Variants in SEMA6D observed in about 807,000 individuals in gnomAD.
SEMA6D encodes the protein semaphorin 6D.
Under a neutral mutation model 106.6 loss-of-function variants are expected in SEMA6D, and 35 were observed. That is an observed-to-expected ratio of 0.33 (90% CI 0.25 to 0.44). The LOEUF is 0.44. SEMA6D is among the 20% of genes least tolerant of loss of function. The probability of loss-of-function intolerance (pLI) is 1.00; values close to 1 mark genes in which losing one functional copy is unlikely to be tolerated. For missense variants in SEMA6D, 1,185 were observed against 1,345.9 expected, an observed-to-expected ratio of 0.88 and a Z score of 1.87; for synonymous variants, 499 against 487.7, an observed-to-expected ratio of 1.02 and a Z score of -0.31.
chr15:47,493,597 A>G (rs2043541173), intron 3 of SEMA6D, among the ~76,000 whole-genome samples: 1 of 152,110 alleles, frequency 6.6e-6, no homozygotes, highest in African/African-American at 2.4e-5. Context: ...TATGTATGTG[A>G]GCTCACAATT....
chr15:47,662,857 G>GCACACACACACA (rs140613951), intron 4 of SEMA6D, among the ~76,000 whole-genome samples: 337 of 134,156 alleles, frequency 2.5e-3, no homozygotes, highest in African/African-American at 8.9e-3. Context: ...GTGTATGAGC[G>GCACACACACACA]CACACACACA....
intron 1 of SEMA6D, among the ~76,000 whole-genome samples, chr15:47,367,400 C>G (rs1276892023): frequency 1.3e-5 from 2 of 152,190 alleles, no homozygotes; most frequent in African/African-American, 4.8e-5. Context: ...GTACTGGCAA[C>G]ACTGAAATCA....
rs762948385 is a variant in SEMA6D, at chr15:47,759,896, T to C, written c.98T>C (p.Val33Ala). 1 of 1,610,504 alleles carries C rather than the reference T, an allele frequency of 6.2e-7. No individual in the cohort carries two copies. Among genetic ancestry groups the C allele is most frequent in the South Asian group, 1.1e-5 (1 of 90,986 alleles). The change falls in exon 2 of 19, where the codon GTC becomes GCC. Residue 33 changes from valine to alanine, a missense_variant. Val to Ala is a moderately conservative substitution (Grantham distance 64, BLOSUM62 0). Around this residue, in one of 3 missense-constraint regions of SEMA6D, gnomAD observed 144 missense variants for 138.6 expected, o/e 1.04. Transcript: ENST00000536845. ...FPEDDEPLNT[V>A]DYHYSRQYPV... ...GAAGATGATGAACCCCTTAATACTG[T>C]CGACTATCACTGTAAGTCGTCTCAA...
intron 1 of SEMA6D, among the ~76,000 whole-genome samples, chr15:47,227,569 TCA>T (rs1555407289): frequency 0.062 from 7,931 of 127,734 alleles, 319 homozygotes; most frequent in South Asian, 0.12. Context: ...TCTCTCTCTC[TCA>T]CACACACACA....
intron 1 of SEMA6D, among the ~76,000 whole-genome samples, chr15:47,209,957 C>A (rs1314402446): frequency 6.6e-6 from 1 of 152,010 alleles, no homozygotes; most frequent in Non-Finnish European, 1.5e-5. Flanking sequence ...GGTTTTTGTC[C>A]TAAATAAAAG....
chr15:47,224,173 A>T (rs530070727), intron 1 of SEMA6D, among the ~76,000 whole-genome samples: 1 of 151,668 alleles, frequency 6.6e-6, no homozygotes, highest in African/African-American at 2.4e-5. Flanking sequence ...AAGAAAAAAA[A>T]ATAATAAAAT....
At chr15:47,729,647 C>A (rs970652508) in intron 1 of SEMA6D, among the ~76,000 whole-genome samples, 1 of 152,156 alleles carries the variant, frequency 6.6e-6, no homozygotes, top group Non-Finnish European at 1.5e-5. Flanking sequence ...AGGATTGATA[C>A]CCACAGAGGC....
intron 3 of SEMA6D, among the ~76,000 whole-genome samples, chr15:47,592,012 G>A (rs2076448716): frequency 6.6e-6 from 1 of 152,162 alleles, no homozygotes; most frequent in Non-Finnish European, 1.5e-5. Context: ...AAAGGGGAAT[G>A]AGAGTGAAAT....
chr15:47,688,478 A>G (rs1007101062), intron 4 of SEMA6D, among the ~76,000 whole-genome samples: 1 of 152,206 alleles, frequency 6.6e-6, no homozygotes, highest in Admixed American at 6.5e-5. Flanking sequence ...CATTCATTCA[A>G]CAATTATTAT....
chr15:47,466,368 G>A (rs553886434), intron 2 of SEMA6D, among the ~76,000 whole-genome samples: 2 of 152,168 alleles, frequency 1.3e-5, no homozygotes, highest in Admixed American at 1.3e-4. Flanking sequence ...CCATAGGTTA[G>A]GCTTCTTTAG....
chr15:47,699,635 T>TG (rs2078768993), intron 4 of SEMA6D, among the ~76,000 whole-genome samples: 1 of 152,186 alleles, frequency 6.6e-6, no homozygotes, highest in East Asian at 1.9e-4. Flanking sequence ...TAAACTGCCC[T>TG]CCTGCATTTC....
intron 1 of SEMA6D, among the ~76,000 whole-genome samples, chr15:47,190,750 T>A (rs938679254): frequency 6.6e-6 from 1 of 152,206 alleles, no homozygotes; most frequent in Admixed American, 6.5e-5. Context: ...TTCAATATTT[T>A]CTTCATACTA....
chr15:47,465,456 GA>G lies in SEMA6D; in HGVS notation c.-158-5015del, dbSNP rs2042630759. ...AAATTATTGCATAACTTATAAAGGGGAAAGGTTTCTGACTTTATGTTCTAAA... is the reference window on the plus strand; with the variant it reads ...AAATTATTGCATAACTTATAAAGGGGAAGGTTTCTGACTTTATGTTCTAAA... On this transcript the variant is annotated intron_variant, in intron 2 of 19. Coordinates refer to the SEMA6D transcript ENST00000558014. Among the ~76,000 whole-genome samples the G allele has an allele frequency of 2.6e-5, 4 of 152,202 alleles. No individual in the cohort carries two copies. In the South Asian group the frequency reaches 6.2e-4, roughly 24 times the overall value.
intron 1 of SEMA6D, among the ~76,000 whole-genome samples, chr15:47,228,008 TATAA>T (rs1387004731): frequency 9.8e-6 from 1 of 102,122 alleles, no homozygotes; most frequent in Non-Finnish European, 2.2e-5. Context: ...ATTTTATATA[TATAA>T]GAATCATATA....
At chr15:47,238,572 G>A (rs1033659349) in intron 1 of SEMA6D, among the ~76,000 whole-genome samples, 1 of 152,120 alleles carries the variant, frequency 6.6e-6, no homozygotes, top group African/African-American at 2.4e-5. Flanking sequence ...CAAGGAATCT[G>A]TGTTCCCAAG....
At chr15:47,570,142 C>G (rs1248498647) in intron 3 of SEMA6D, among the ~76,000 whole-genome samples, 2 of 152,076 alleles carry the variant, frequency 1.3e-5, no homozygotes, top group Non-Finnish European at 2.9e-5. Flanking sequence ...ACTGTGAAGT[C>G]TTTTTATTAA....
intron 1 of SEMA6D, among the ~76,000 whole-genome samples, chr15:47,343,631 C>T (rs1468428866): frequency 6.6e-6 from 1 of 152,066 alleles, no homozygotes; most frequent in Non-Finnish European, 1.5e-5. Context: ...GTATATGTGC[C>T]ACATTTTCTT....
intron 3 of SEMA6D, among the ~76,000 whole-genome samples, chr15:47,556,897 T>C (rs980642625): frequency 8.5e-5 from 13 of 152,150 alleles, no homozygotes; most frequent in African/African-American, 3.1e-4. Flanking sequence ...AAAGGTATCA[T>C]GTGTCCAATT....
At chr15:47,536,850 A>G (rs1566867640) in intron 3 of SEMA6D, among the ~76,000 whole-genome samples, 1 of 152,136 alleles carries the variant, frequency 6.6e-6, no homozygotes, top group African/African-American at 2.4e-5. Context: ...AAGTTACCCA[A>G]CTCACCCAAG....
Sources: gnomAD v4.1 joint callset for allele counts (sites outside exome capture counted in the v4.1 genomes callset) on GRCh38, gnomAD v4.1.1 for gene constraint, gnomAD v4.1.1 regional missense constraint, MANE v1.5 for transcripts, NCBI Gene and HGNC (gene_info 2026-07-23, HGNC 2026-07-21) for gene names.